The following NFAT5 variants were observed in gnomAD, a reference collection of about 807,000 sequenced individuals.
NFAT5 encodes the protein nuclear factor of activated T cells 5.
Under a neutral mutation model 166.5 loss-of-function variants are expected in NFAT5, and 31 were observed. That is an observed-to-expected ratio of 0.19 (90% confidence interval 0.14 to 0.25). NFAT5 has a LOEUF of 0.25. Among genes scored for constraint, NFAT5 ranks in the 10% least tolerant of loss-of-function variants. NFAT5 has a pLI of 1.00. For synonymous variants in NFAT5, 612 were observed against 639.7 expected, an observed-to-expected ratio of 0.96 and a Z score of 0.65; for missense variants, 1,449 against 1,821.8, an observed-to-expected ratio of 0.80 and a Z score of 3.72.
intron 2 of NFAT5, among the ~76,000 whole-genome samples, chr16:69,611,478 CTGTT>C (rs1159944263): frequency 1.3e-5 from 2 of 152,164 alleles, no homozygotes; most frequent in Non-Finnish European, 2.9e-5. Context: ...ATGTCTTAGT[CTGTT>C]TGTCAGCTAT....
Position 69,566,260 on chromosome 16 carries a change from C to A in NFAT5, c.-42C>A, listed in dbSNP as rs1245209642. ...GGAGGTGCCGCCGCCACCGCCGCTCCCCCCCTCCCGCTGCCCTCGGGCCGG... is the reference window on the plus strand; with the variant it reads ...GGAGGTGCCGCCGCCACCGCCGCTCACCCCCTCCCGCTGCCCTCGGGCCGG... On this transcript the variant is annotated 5_prime_UTR_variant, in exon 1 of 15. Transcript: ENST00000349945. This position sits in a 1 kb window ranked among gnomAD's most constrained non-coding sequence, Gnocchi z 5.7. The A allele has an allele frequency of 3.2e-6, 5 of 1,571,254 alleles. No individual in the cohort carries two copies. In the South Asian group the frequency reaches 4.6e-5, roughly 15 times the overall value.
chr16:69,688,655 A>G (rs1399350985), intron 11 of NFAT5, among the ~76,000 whole-genome samples: 1 of 152,216 alleles, frequency 6.6e-6, no homozygotes, highest in East Asian at 1.9e-4. Context: ...GCATGAGCCA[A>G]TGCGCCTGGC....
At chr16:69,582,433 T>C (rs931343589) in intron 2 of NFAT5, among the ~76,000 whole-genome samples, 1 of 152,014 alleles carries the variant, frequency 6.6e-6, no homozygotes, top group African/African-American at 2.4e-5. Flanking sequence ...AACTATTGCC[T>C]AGCCCAGGGT....
intron 3 of NFAT5, among the ~76,000 whole-genome samples, chr16:69,627,775 T>A (rs2034535404): frequency 3.3e-5 from 5 of 152,186 alleles, no homozygotes. Flanking sequence ...TTAGTGAACT[T>A]TTTAGTAATC....
intron 2 of NFAT5, among the ~76,000 whole-genome samples, chr16:69,602,919 C>G (rs984967286): frequency 6.6e-6 from 1 of 151,620 alleles, no homozygotes; most frequent in Non-Finnish European, 1.5e-5. Context: ...CCTTGGTTAT[C>G]TTTTTTTTAA....
chr16:69,599,047 G>GGTTGACTTC (rs1193512071), intron 2 of NFAT5, among the ~76,000 whole-genome samples: 5 of 151,440 alleles, frequency 3.3e-5, no homozygotes, highest in Admixed American at 1.3e-4. Context: ...AAAAGTCAGG[G>GGTTGACTTC]TATGGGATTG....
chr16:69,597,204 G>C (rs2032846607), intron 2 of NFAT5, among the ~76,000 whole-genome samples: 1 of 151,142 alleles, frequency 6.6e-6, no homozygotes, highest in African/African-American at 2.4e-5. Flanking sequence ...GGGAAGGAGA[G>C]GGAAAGGAGG....
At chr16:69,602,890 C>G (rs888822966) in intron 2 of NFAT5, among the ~76,000 whole-genome samples, 2 of 152,024 alleles carry the variant, frequency 1.3e-5, no homozygotes, top group Non-Finnish European at 2.9e-5. Context: ...GGATTACAGG[C>G]ATGCACCACT....
At chr16:69,615,446 C>A (rs2033899157) in intron 2 of NFAT5, among the ~76,000 whole-genome samples, 1 of 152,110 alleles carries the variant, frequency 6.6e-6, no homozygotes, top group African/African-American at 2.4e-5. Context: ...TTTGCCTGTC[C>A]CAGCCCTGAT....
At chr16:69,664,902 C>T (rs886068742) in intron 7 of NFAT5, among the ~76,000 whole-genome samples, 8 of 152,050 alleles carry the variant, frequency 5.3e-5, no homozygotes, top group Non-Finnish European at 1.0e-4. Flanking sequence ...TGGTGCATAC[C>T]TGTAATCCCA....
intron 3 of NFAT5, among the ~76,000 whole-genome samples, chr16:69,646,111 A>G (rs1338621221): frequency 2.0e-5 from 3 of 152,230 alleles, no homozygotes; most frequent in Admixed American, 6.5e-5. Context: ...ACTAGTCACA[A>G]TCAACCAGGT....
chr16:69,677,163 A>T, intron 9 of NFAT5, 40 bp from the exon 10 acceptor site: 1 of 1,572,904 alleles, frequency 6.4e-7, no homozygotes, highest in Non-Finnish European at 8.6e-7. Flanking sequence ...AAATTTAAGT[A>T]TTGCTTCTTT....
chr16:69,670,151 T>TCA, intron 8 of NFAT5, 40 bp downstream of exon 8: 1 of 1,599,800 alleles, frequency 6.3e-7, no homozygotes, highest in Non-Finnish European at 8.5e-7. Flanking sequence ...TTGTATGTTT[T>TCA]CACTTTGTTA....
At chr16:69,682,753 T>G (rs577943981) in intron 10 of NFAT5, among the ~76,000 whole-genome samples, 66 of 152,174 alleles carry the variant, frequency 4.3e-4, no homozygotes, top group African/African-American at 1.5e-3. Context: ...AATATGTGTG[T>G]TTTTTTTCCA....
chr16:69,628,393 G>T (rs1213100135), intron 3 of NFAT5, among the ~76,000 whole-genome samples: 5 of 152,036 alleles, frequency 3.3e-5, no homozygotes, highest in African/African-American at 1.2e-4. Flanking sequence ...GGCAAAGAGA[G>T]TAAGAAGGTA....
chr16:69,680,074 C>T (rs1456112929), intron 10 of NFAT5, among the ~76,000 whole-genome samples: 2 of 152,086 alleles, frequency 1.3e-5, no homozygotes, highest in African/African-American at 4.8e-5. Flanking sequence ...GCTGAGATTG[C>T]GCCAGTGTAC....
At chr16:69,582,896 A>G (rs779497806) in intron 2 of NFAT5, among the ~76,000 whole-genome samples, 14 of 151,866 alleles carry the variant, frequency 9.2e-5, no homozygotes, top group East Asian at 3.9e-4. Context: ...CTCAATTTCT[A>G]CAAAGAAGTC....
Position 69,566,041 on chromosome 16 carries a change from G to A in NFAT5, c.-261G>A. 1 of 433,358 alleles carries A rather than the reference G, an allele frequency of 2.3e-6. No homozygotes were observed. The highest frequency in any genetic ancestry group is 4.1e-6 in the Non-Finnish European group (1 of 245,182). 26.8% of individuals were successfully genotyped at this position (433,358 alleles called of 1,614,324 possible). On this transcript the variant is annotated 5_prime_UTR_variant, in exon 1 of 15. Coordinates refer to ENST00000349945, the MANE Select transcript of NFAT5 (RefSeq NM_138713.4). This position sits in a 1 kb window ranked among gnomAD's most constrained non-coding sequence, Gnocchi z 5.7. ...AGGAGAAACACGAAACGGACCCTTTGGCTCTCCCCCTTCCCCTTCCCCGTC... is the reference window on the plus strand; with the variant it reads ...AGGAGAAACACGAAACGGACCCTTTAGCTCTCCCCCTTCCCCTTCCCCGTC...
Position 69,647,099 on chromosome 16 carries a change from A to T in NFAT5, c.325A>T (p.Thr109Ser). Residue 109 changes from threonine (T) to serine (S), a missense_variant, in exon 4 of 15, where the codon ACC becomes TCC. By Grantham distance (58) the Thr-to-Ser change is moderately conservative. Around this residue, in one of 7 missense-constraint regions of NFAT5, gnomAD observed 172 missense variants for 194.5 expected, o/e 0.88. Transcript: ENST00000349945. The surrounding 1 kb of genome is among the most constrained non-coding windows in gnomAD (Gnocchi z 4.8). Reference protein sequence around the residue: ...CSSFTTSSSPTIYSTSVTDSK... With the variant: ...CSSFTTSSSPSIYSTSVTDSK... ...CTCCTTTACCACCTCTTCCAGCCCTACCATTTATTCTACCTCAGTCACCGA... is the reference window on the plus strand; with the variant it reads ...CTCCTTTACCACCTCTTCCAGCCCTTCCATTTATTCTACCTCAGTCACCGA... 1 of 1,612,952 alleles carries T rather than the reference A, an allele frequency of 6.2e-7. No individual in the cohort carries two copies. Among genetic ancestry groups the T allele is most frequent in the Non-Finnish European group, 8.5e-7 (1 of 1,179,290 alleles).
Sources: allele counts gnomAD v4.1 joint callset (sites outside exome capture counted in the v4.1 genomes callset), GRCh38; gene constraint gnomAD v4.1.1; regional missense constraint gnomAD v4.1.1; non-coding constraint Gnocchi (gnomAD v3.1); transcripts MANE v1.5; gene names NCBI Gene and HGNC (gene_info 2026-07-23, HGNC 2026-07-21).